ARID5B: variants seen among roughly 807,000 people sequenced by gnomAD.
ARID5B encodes the protein AT-rich interactive domain-containing protein 5B.
ARID5B carries 13 observed loss-of-function variants against 97.2 expected under a neutral mutation model. The ratio of observed to expected loss-of-function variants is 0.13; its 90% confidence interval spans 0.09 to 0.21. ARID5B has a LOEUF of 0.21. ARID5B is among the 10% of genes least tolerant of loss of function. ARID5B has a pLI of 1.00. For missense variants in ARID5B, 1,210 were observed against 1,465.3 expected (o/e 0.83, Z 2.84); for synonymous variants, 556 against 570.3 (o/e 0.97, Z 0.36).
At chr10:62,021,215 G>A (rs1341686770) in intron 4 of ARID5B, among the ~76,000 whole-genome samples, 2 of 151,796 alleles carry the variant, frequency 1.3e-5, no homozygotes, top group Non-Finnish European at 2.9e-5. Flanking sequence ...CTGATACATA[G>A]TTATCGAAAA....
intron 3 of ARID5B, among the ~76,000 whole-genome samples, chr10:61,960,002 T>G (rs947980887): frequency 1.3e-5 from 2 of 152,168 alleles, no homozygotes; most frequent in Non-Finnish European, 2.9e-5. Context: ...TGCTGGATGA[T>G]TTCCTTTAAG....
Position 62,057,201 on chromosome 10 carries a change from G to T in ARID5B, c.931G>T (p.Val311Phe). The T allele has an allele frequency of 6.2e-7, 1 of 1,613,266 alleles. No individual in the cohort carries two copies. The change falls in exon 6 of 10, where the codon GTT (valine) becomes TTT (phenylalanine). Residue 311 changes from valine (V) to phenylalanine (F), a missense_variant. Around this residue, in one of 8 missense-constraint regions of ARID5B, gnomAD observed 132 missense variants for 156.7 expected, o/e 0.84. Coordinates refer to ENST00000279873, the MANE Select transcript of ARID5B (RefSeq NM_032199.3). ...AGTCTCAAATGAAGAAAAACCAAAG[G>T]TTGCCATTGGTGAAGAGTGCAGGGC... The part of the protein sequence containing the change: ...KKVSNEEKPK[V>F]AIGEECRADE...
At chr10:62,085,464 A>G (rs1840267908) in intron 8 of ARID5B, among the ~76,000 whole-genome samples, 3 of 152,340 alleles carry the variant, frequency 2.0e-5, no homozygotes, top group East Asian at 1.9e-4. Context: ...ATCTTGGTCT[A>G]TAGACCCACA....
intron 7 of ARID5B, among the ~76,000 whole-genome samples, chr10:62,060,829 C>A (rs1261027804): frequency 6.6e-6 from 1 of 152,174 alleles, no homozygotes; most frequent in Admixed American, 6.5e-5. Context: ...CACTCTGGAA[C>A]TTTTTGTTAT....
intron 4 of ARID5B, among the ~76,000 whole-genome samples, chr10:62,041,411 A>T (rs1839636085): frequency 6.6e-6 from 1 of 152,182 alleles, no homozygotes; most frequent in Non-Finnish European, 1.5e-5. Context: ...ACAACCAAAA[A>T]TAGTCATCTT....
chr10:62,054,503 A>G (rs1490757345), intron 5 of ARID5B, among the ~76,000 whole-genome samples: 4 of 152,100 alleles, frequency 2.6e-5, no homozygotes, highest in African/African-American at 4.8e-5. Flanking sequence ...GCCCACTGAG[A>G]TTCAGGACAG....
chr10:62,047,541 C>T (rs1325375227), intron 4 of ARID5B, among the ~76,000 whole-genome samples: 5 of 152,052 alleles, frequency 3.3e-5, no homozygotes, highest in African/African-American at 1.2e-4. Context: ...ATCAGTCTCA[C>T]CTAAAGAACA....
At chr10:61,986,938 A>T (rs929432866) in intron 3 of ARID5B, among the ~76,000 whole-genome samples, 2 of 152,228 alleles carry the variant, frequency 1.3e-5, no homozygotes, top group Non-Finnish European at 2.9e-5. Flanking sequence ...CCAAGGCTTA[A>T]CAAAAGGAAC....
intron 4 of ARID5B, among the ~76,000 whole-genome samples, chr10:62,016,590 T>C (rs905261300): frequency 6.6e-6 from 1 of 152,174 alleles, no homozygotes; most frequent in African/African-American, 2.4e-5. Flanking sequence ...TTAAAGACAA[T>C]TTTACCCTGC....
intron 3 of ARID5B, among the ~76,000 whole-genome samples, chr10:61,963,522 C>A (rs111510880): frequency 1.3e-5 from 2 of 151,840 alleles, no homozygotes; most frequent in African/African-American, 4.8e-5. Context: ...CTCATGACAC[C>A]ACCCCACATC....
intron 7 of ARID5B, among the ~76,000 whole-genome samples, chr10:62,066,956 C>T (rs1839997715): frequency 6.6e-6 from 1 of 152,114 alleles, no homozygotes; most frequent in Non-Finnish European, 1.5e-5. Flanking sequence ...CCAGCTGTAA[C>T]ATTTGTTAGC....
In ARID5B at chr10:62,000,572, A is replaced by G. The variant is rs1393542452; in HGVS notation, c.733+251A>G. ...TGTAGAGTCTGAAGTTGCTTGGTCG[A>G]CCTTGAAATTGGACTTTAGGACAGG... On this transcript the variant is annotated intron_variant, in intron 4 of 9. Transcript: ENST00000279873. This position sits in a 1 kb window ranked among gnomAD's most constrained non-coding sequence, Gnocchi z 4.4. 1.3e-5 allele frequency among the ~76,000 whole-genome samples: 2 copies of G among 152,024 alleles called. No individual in the cohort carries two copies. Among genetic ancestry groups the G allele is most frequent in the Non-Finnish European group, 2.9e-5 (2 of 67,998 alleles).
chr10:61,996,489 G>C (rs1465255901), intron 3 of ARID5B, among the ~76,000 whole-genome samples: 3 of 151,994 alleles, frequency 2.0e-5, no homozygotes, highest in African/African-American at 7.2e-5. Flanking sequence ...CAGGAGTTTT[G>C]GGTCCAGCCT....
intron 3 of ARID5B, among the ~76,000 whole-genome samples, chr10:61,984,482 A>C (rs973142802): frequency 6.6e-6 from 1 of 152,198 alleles, no homozygotes; most frequent in African/African-American, 2.4e-5. Flanking sequence ...TCTCCCTTGA[A>C]GAGACTTCAT....
At chr10:61,929,847 T>G (rs1844172973) in intron 2 of ARID5B, among the ~76,000 whole-genome samples, 1 of 152,214 alleles carries the variant, frequency 6.6e-6, no homozygotes, top group South Asian at 2.1e-4. Context: ...TTTAGCAGTT[T>G]ATTATTAGAA....
rs748731950 is a variant in ARID5B, at chr10:62,092,125, C to T, written c.2662C>T (p.His888Tyr). ...KLHVNYLTSL[H>Y]LQDKKSAAAE... ...CCATGTAAATTATCTCACGTCCCTGCACCTGCAAGACAAAAAGTCGGCGGC... is the reference window on the plus strand; with the variant it reads ...CCATGTAAATTATCTCACGTCCCTGTACCTGCAAGACAAAAAGTCGGCGGC... The change falls in exon 10 of 10, where the codon CAC (histidine) becomes TAC (tyrosine). Residue 888 changes from histidine (H) to tyrosine (Y), a missense_variant. This residue lies in a region of ARID5B where 800 missense variants were observed against 839.1 expected (regional missense o/e 0.95). Transcript: ENST00000279873. The T allele has an allele frequency of 2.5e-6, 4 of 1,609,574 alleles. No homozygotes were observed. The highest frequency in any genetic ancestry group is 1.3e-5 in the African/African-American group (1 of 74,530).
At chr10:62,087,527 C>A (rs1191572996) in intron 9 of ARID5B, among the ~76,000 whole-genome samples, 1 of 149,844 alleles carries the variant, frequency 6.7e-6, no homozygotes, top group African/African-American at 2.5e-5. Context: ...AACGCTGCTG[C>A]CCATTAAAAA....
intron 4 of ARID5B, among the ~76,000 whole-genome samples, chr10:62,030,044 C>T (rs1044597618): frequency 6.6e-6 from 1 of 151,854 alleles, no homozygotes; most frequent in Admixed American, 6.5e-5. Context: ...TAATAATTGA[C>T]GAGCCACAAG....
At chr10:62,010,515 T>C (rs1348085863) in intron 4 of ARID5B, among the ~76,000 whole-genome samples, 2 of 152,234 alleles carry the variant, frequency 1.3e-5, no homozygotes, top group African/African-American at 2.4e-5. Flanking sequence ...TCTCTTTTCC[T>C]GGATAAGTAT....
Sources: allele counts gnomAD v4.1 joint callset (sites outside exome capture counted in the v4.1 genomes callset), GRCh38; gene constraint gnomAD v4.1.1; regional missense constraint gnomAD v4.1.1; non-coding constraint Gnocchi (gnomAD v3.1); transcripts MANE v1.5; gene names NCBI Gene and HGNC (gene_info 2026-07-23, HGNC 2026-07-21).